CCDC12: variants seen among roughly 807,000 people sequenced by gnomAD.
CCDC12 encodes the protein coiled-coil domain containing 12, also known as coiled-coil domain-containing protein 12.
CCDC12 carries 28 observed loss-of-function variants against 25.7 expected under a neutral mutation model. The observed-to-expected ratio is 1.09, with a 90% CI of 0.81 to 1.50. The LOEUF is 1.50. CCDC12 is among the 40% of genes most tolerant of loss of function. The pLI, the probability that CCDC12 is intolerant of heterozygous loss-of-function variation, is 0.00. For missense variants in CCDC12, 198 were observed against 210.0 expected (o/e 0.94, Z 0.35); for synonymous variants, 75 against 87.7 (o/e 0.86, Z 0.81).
chr3:46,939,627 A>T (rs1187108792), intron 2 of CCDC12, among the ~76,000 whole-genome samples: 2 of 152,150 alleles, frequency 1.3e-5, no homozygotes, highest in Non-Finnish European at 2.9e-5. Context: ...CTGGGGGCTG[A>T]GGCCCAACAA....
intron 1 of CCDC12, among the ~76,000 whole-genome samples, chr3:46,967,334 T>C (rs930897277): frequency 2.0e-5 from 3 of 152,080 alleles, no homozygotes; most frequent in African/African-American, 7.2e-5. Flanking sequence ...CCCAACCCCC[T>C]TAGCCTGAGG....
At chr3:46,963,690 G>A (rs1353517719) in intron 1 of CCDC12, among the ~76,000 whole-genome samples, 7 of 152,196 alleles carry the variant, frequency 4.6e-5, no homozygotes, top group Non-Finnish European at 5.9e-5. Flanking sequence ...GCTCCTAACC[G>A]CGAGTGATCC....
Position 46,945,299 on chromosome 3 carries a change from C to T in CCDC12, c.97-4234G>A, listed in dbSNP as rs538189484. ...ACTCCAGAAGAGTAAACCTCAGGAA[C>T]GCTGATGGCTGGAGGGCAGGAGAGT... On this transcript the variant is annotated intron_variant, in intron 1 of 6. Coordinates refer to ENST00000683445, the MANE Select transcript of CCDC12 (RefSeq NM_001277074.2). 2.8e-3 allele frequency among the ~76,000 whole-genome samples: 425 copies of T among 152,360 alleles called. 1 individual carries two copies. The highest frequency in any genetic ancestry group is 6.8e-3 in the Middle Eastern group (2 of 294).
chr3:46,975,255 G>T (rs373968631), intron 1 of CCDC12, among the ~76,000 whole-genome samples: 1 of 151,098 alleles, frequency 6.6e-6, no homozygotes, highest in Non-Finnish European at 1.5e-5. Context: ...GCGCGATCTC[G>T]GCTCACTGCA....
At chr3:46,929,549 A>G (rs1239141346) in intron 2 of CCDC12, among the ~76,000 whole-genome samples, 1 of 152,218 alleles carries the variant, frequency 6.6e-6, no homozygotes, top group Non-Finnish European at 1.5e-5. Flanking sequence ...ACTCACCAGC[A>G]GTCACTGGCA....
chr3:46,973,613 CTTTTT>C (rs758663577), intron 1 of CCDC12, among the ~76,000 whole-genome samples: 3 of 97,948 alleles, frequency 3.1e-5, no homozygotes, highest in Admixed American at 1.1e-4. Context: ...TTCTTCTTTT[CTTTTT>C]TTTTTTTTTT....
At chr3:46,962,231 C>T (rs1260656737) in intron 1 of CCDC12, among the ~76,000 whole-genome samples, 1 of 151,906 alleles carries the variant, frequency 6.6e-6, no homozygotes, top group African/African-American at 2.4e-5. Flanking sequence ...GTCAGGAGTT[C>T]AAGACCAGCC....
At chr3:46,966,416 G>A (rs2034641583) in intron 1 of CCDC12, among the ~76,000 whole-genome samples, 2 of 152,106 alleles carry the variant, frequency 1.3e-5, no homozygotes, top group South Asian at 4.1e-4. Flanking sequence ...AGGTGGCTGA[G>A]GCAGGAGAAC....
intron 1 of CCDC12, 86 bp from the exon 2 acceptor site, chr3:46,941,151 T>A (rs1049535103): frequency 7.6e-6 from 10 of 1,317,358 alleles, no homozygotes; most frequent in Admixed American, 1.7e-5. Flanking sequence ...GAACAGGACA[T>A]CTCAGAAGGG....
intron 1 of CCDC12, among the ~76,000 whole-genome samples, chr3:46,968,876 T>C (rs1261521373): frequency 6.6e-6 from 1 of 152,198 alleles, no homozygotes; most frequent in Non-Finnish European, 1.5e-5. Flanking sequence ...TTTCCTGGTC[T>C]ATCAGACAGG....
chr3:46,948,550 A>G (rs534664920), intron 1 of CCDC12, among the ~76,000 whole-genome samples: 1 of 152,348 alleles, frequency 6.6e-6, no homozygotes, highest in African/African-American at 2.4e-5. Flanking sequence ...GGGGACAAAG[A>G]GAAAGGGTGT....
At chr3:46,963,926 G>T (rs1013939579) in intron 1 of CCDC12, among the ~76,000 whole-genome samples, 17 of 151,708 alleles carry the variant, frequency 1.1e-4, no homozygotes, top group African/African-American at 4.1e-4. Context: ...CATCGTCTGG[G>T]ATGTGAGGAG....
At chr3:46,970,203 G>C (rs1202820006) in intron 1 of CCDC12, among the ~76,000 whole-genome samples, 1 of 151,986 alleles carries the variant, frequency 6.6e-6, no homozygotes, top group Admixed American at 6.6e-5. Flanking sequence ...CCAACCCGCA[G>C]ACCAAGGCCC....
intron 1 of CCDC12, among the ~76,000 whole-genome samples, chr3:46,951,798 A>AAAAAAAAAAAAAAAAAAAAATAT: frequency 2.4e-4 from 2 of 8,466 alleles, no homozygotes; most frequent in Non-Finnish European, 5.6e-4. Flanking sequence ...AAAAAAAAAA[A>AAAAAAAAAAAAAAAAAAAAATAT]ATATATATAT....
intron 1 of CCDC12, among the ~76,000 whole-genome samples, chr3:46,967,567 C>T (rs1244665690): frequency 2.0e-5 from 3 of 152,198 alleles, no homozygotes; most frequent in Non-Finnish European, 4.4e-5. Flanking sequence ...CCAGCCTGGG[C>T]AGCTGCACAG....
At chr3:46,963,832 T>G (rs2034543331) in intron 1 of CCDC12, among the ~76,000 whole-genome samples, 1 of 152,256 alleles carries the variant, frequency 6.6e-6, no homozygotes. Context: ...GCCGCCTGCC[T>G]TGGCCTCCCA....
At chr3:46,972,385 T>A (rs1395939980) in intron 1 of CCDC12, among the ~76,000 whole-genome samples, 1 of 152,176 alleles carries the variant, frequency 6.6e-6, no homozygotes, top group East Asian at 1.9e-4. Context: ...ATATCACTAA[T>A]CTCATCTCTA....
At chr3:46,931,125 G>C (rs2033195121) in intron 2 of CCDC12, among the ~76,000 whole-genome samples, 1 of 152,206 alleles carries the variant, frequency 6.6e-6, no homozygotes, top group African/African-American at 2.4e-5. Flanking sequence ...GGCTGGGCCG[G>C]GGCAGCCAAC....
At chr3:46,931,539 T>C (rs749520135) in intron 2 of CCDC12, among the ~76,000 whole-genome samples, 2 of 152,322 alleles carry the variant, frequency 1.3e-5, no homozygotes, top group Admixed American at 6.5e-5. Flanking sequence ...GCTTATCCTT[T>C]GGGGCGCTAG....
Sources: gnomAD v4.1 joint callset for allele counts (sites outside exome capture counted in the v4.1 genomes callset) on GRCh38, gnomAD v4.1.1 for gene constraint, MANE v1.5 for transcripts, NCBI Gene and HGNC (gene_info 2026-07-23, HGNC 2026-07-21) for gene names.